ACBD6: variants seen among roughly 807,000 people sequenced by gnomAD.
ACBD6 encodes the protein acyl-CoA-binding domain-containing protein 6.
In ACBD6, 28 loss-of-function variants were observed where a neutral mutation model predicts 37.2. The observed-to-expected ratio is 0.75, with a 90% CI of 0.56 to 1.03. ACBD6 has a LOEUF of 1.03. ACBD6 is among the 50% of genes least tolerant of loss of function. ACBD6 has a pLI of 0.00. For missense variants in ACBD6, 340 were observed against 337.4 expected (o/e 1.01, Z -0.06); for synonymous variants, 113 against 126.8 (o/e 0.89, Z 0.73).
chr1:180,451,255 CAGAACCCTCATACA>C (rs1649691644), intron 3 of ACBD6, among the ~76,000 whole-genome samples: 2 of 152,136 alleles, frequency 1.3e-5, no homozygotes, highest in Non-Finnish European at 2.9e-5. Context: ...GAAAATAAAT[CAGAACCCTCATACA>C]CTGTTGACAG....
At chr1:180,406,565 AATGT>A (rs1487839106) in intron 5 of ACBD6, among the ~76,000 whole-genome samples, 5 of 152,264 alleles carry the variant, frequency 3.3e-5, no homozygotes, top group East Asian at 1.9e-4. Context: ...CTTAGATCCA[AATGT>A]ATGTATTTCA....
intron 6 of ACBD6, among the ~76,000 whole-genome samples, chr1:180,360,832 G>A (rs1376480842): frequency 1.3e-5 from 2 of 152,116 alleles, no homozygotes; most frequent in Non-Finnish European, 2.9e-5. Flanking sequence ...CTGGTACACT[G>A]TTTTTATAGT....
chr1:180,405,701 A>C (rs926626847), intron 5 of ACBD6, among the ~76,000 whole-genome samples: 1 of 152,216 alleles, frequency 6.6e-6, no homozygotes, highest in African/African-American at 2.4e-5. Context: ...TCTGAGAAAT[A>C]ACGTGTGACA....
intron 6 of ACBD6, among the ~76,000 whole-genome samples, chr1:180,395,895 A>G (rs1460105561): frequency 6.6e-6 from 1 of 152,214 alleles, no homozygotes; most frequent in Non-Finnish European, 1.5e-5. Context: ...AAAAGGTAAA[A>G]GCAAACCAAG....
chr1:180,490,946 A>G, intron 3 of ACBD6, among the ~76,000 whole-genome samples: 1 of 133,510 alleles, frequency 7.5e-6, no homozygotes. Context: ...TGATAGAGTG[A>G]GACTCTGTCT....
At chr1:180,460,648 C>T (rs1344005419) in intron 3 of ACBD6, among the ~76,000 whole-genome samples, 5 of 152,190 alleles carry the variant, frequency 3.3e-5, no homozygotes, top group African/African-American at 7.2e-5. Context: ...GAGGCAACTA[C>T]GGACTGGAGT....
At chr1:180,393,101 T>C (rs1654136167) in intron 6 of ACBD6, among the ~76,000 whole-genome samples, 1 of 152,176 alleles carries the variant, frequency 6.6e-6, no homozygotes, top group South Asian at 2.1e-4. Context: ...TGTGTGTGCG[T>C]GCGCACGCCC....
intron 1 of ACBD6, among the ~76,000 whole-genome samples, chr1:180,500,954 C>A (rs542348971): frequency 6.6e-6 from 1 of 152,096 alleles, no homozygotes; most frequent in South Asian, 2.1e-4. Context: ...CACATAAAAG[C>A]TGCTGAACAA....
chr1:180,337,133 A>T (rs547720328), intron 6 of ACBD6, among the ~76,000 whole-genome samples: 1 of 152,318 alleles, frequency 6.6e-6, no homozygotes, highest in South Asian at 2.1e-4. Context: ...AAAAGAGGGA[A>T]TCCTCCCTAA....
intron 8 of ACBD6, among the ~76,000 whole-genome samples, chr1:180,282,487 T>C (rs754686919): frequency 6.6e-6 from 1 of 152,134 alleles, no homozygotes; most frequent in African/African-American, 2.4e-5. Context: ...GGCAAGAACT[T>C]TGGGGTTAAA....
intron 6 of ACBD6, among the ~76,000 whole-genome samples, chr1:180,334,508 T>A (rs1451953508): frequency 6.6e-6 from 1 of 152,100 alleles, no homozygotes; most frequent in Non-Finnish European, 1.5e-5. Flanking sequence ...AAACCCCATC[T>A]GTACGTCACC....
intron 3 of ACBD6, among the ~76,000 whole-genome samples, chr1:180,447,002 G>A (rs1258969778): frequency 2.6e-5 from 4 of 151,994 alleles, no homozygotes; most frequent in East Asian, 3.9e-4. Context: ...GATAACCCCC[G>A]ACAGTCCAGC....
chr1:180,354,437 T>C (rs1011352927), intron 6 of ACBD6, among the ~76,000 whole-genome samples: 1 of 152,166 alleles, frequency 6.6e-6, no homozygotes, highest in Non-Finnish European at 1.5e-5. Context: ...TTTAAACACT[T>C]GCCATGGACT....
intron 3 of ACBD6, among the ~76,000 whole-genome samples, chr1:180,471,198 A>C (rs1650551201): frequency 6.6e-6 from 1 of 152,160 alleles, no homozygotes; most frequent in South Asian, 2.1e-4. Context: ...CCAGGAGTTC[A>C]AGACCAACCT....
chr1:180,286,691 T>G (rs1649511306), downstream of ACBD6, among the ~76,000 whole-genome samples: 1 of 152,222 alleles, frequency 6.6e-6, no homozygotes, highest in African/African-American at 2.4e-5. Context: ...TGTACTAATA[T>G]GCATATCACT....
intron 6 of ACBD6, among the ~76,000 whole-genome samples, chr1:180,319,374 G>T (rs1323173812): frequency 6.6e-6 from 1 of 152,052 alleles, no homozygotes; most frequent in Non-Finnish European, 1.5e-5. Context: ...ATTTTTGTGG[G>T]TACACAGTAG....
intron 6 of ACBD6, among the ~76,000 whole-genome samples, chr1:180,319,433 T>C (rs966389271): frequency 7.9e-5 from 12 of 152,226 alleles, no homozygotes; most frequent in African/African-American, 2.2e-4. Context: ...GCATGCTATG[T>C]GTAATATTCA....
At chr1:180,457,078 A>G (rs1375822869) in intron 3 of ACBD6, among the ~76,000 whole-genome samples, 1 of 152,212 alleles carries the variant, frequency 6.6e-6, no homozygotes, top group African/African-American at 2.4e-5. Flanking sequence ...TAATAGGAAG[A>G]TGTAAACACA....
At chr1:180,396,180 G>A (rs1365522181) in intron 6 of ACBD6, among the ~76,000 whole-genome samples, 2 of 152,168 alleles carry the variant, frequency 1.3e-5, no homozygotes, top group African/African-American at 4.8e-5. Flanking sequence ...AATGGTTAGA[G>A]TTTCAGTTGG....
Sources: gnomAD v4.1 joint callset for allele counts (sites outside exome capture counted in the v4.1 genomes callset) on GRCh38, gnomAD v4.1.1 for gene constraint, MANE v1.5 for transcripts, NCBI Gene and HGNC (gene_info 2026-07-23, HGNC 2026-07-21) for gene names.